Variants in CENPW observed in about 807,000 individuals in gnomAD.
The protein encoded by CENPW is centromere protein W.
CENPW carries 3 observed loss-of-function variants against 11.1 expected under a neutral mutation model. The observed-to-expected ratio is 0.27, with a 90% CI of 0.12 to 0.70. The LOEUF is 0.70. Ranked by LOEUF, CENPW falls within the 30% of genes least tolerant of loss-of-function variation. The probability of loss-of-function intolerance (pLI) is 0.77; values close to 1 mark genes in which losing one functional copy is unlikely to be tolerated. For missense variants in CENPW, 100 were observed against 105.6 expected (o/e 0.95, Z 0.23); for synonymous variants, 38 against 42.0 (o/e 0.91, Z 0.37).
chr6:126,429,516 G>A, the CENPW span, among the ~76,000 whole-genome samples: 24 of 152,136 alleles, frequency 1.6e-4, no homozygotes, highest in Middle Eastern at 6.8e-3. Context: ...AACATGTAAT[G>A]TGCCTACTGC....
At chr6:126,378,327 A>G in the CENPW span, among the ~76,000 whole-genome samples, 5 of 152,158 alleles carry the variant, frequency 3.3e-5, no homozygotes, top group African/African-American at 9.6e-5. Flanking sequence ...GATCACTTGT[A>G]GAGTTTTCTA....
chr6:126,428,528 T>C, the CENPW span, among the ~76,000 whole-genome samples: 2 of 152,144 alleles, frequency 1.3e-5, no homozygotes, highest in African/African-American at 4.8e-5. Context: ...AGAGATCTCC[T>C]GGAAGATTCT....
At chr6:126,403,638 C>A in the CENPW span, among the ~76,000 whole-genome samples, 5 of 151,912 alleles carry the variant, frequency 3.3e-5, no homozygotes, top group South Asian at 1.0e-3. Context: ...AATAAGACAT[C>A]TCTGTAACAT....
chr6:126,369,300 T>C, the CENPW span, among the ~76,000 whole-genome samples: 1 of 152,188 alleles, frequency 6.6e-6, no homozygotes, highest in East Asian at 1.9e-4. Context: ...TGGGACCCAG[T>C]AGTGAGATTG....
chr6:126,476,604 T>C, the CENPW span, among the ~76,000 whole-genome samples: 3 of 152,038 alleles, frequency 2.0e-5, no homozygotes, highest in African/African-American at 7.2e-5. Context: ...ACCCTATTTC[T>C]ATTCCCAAAG....
chr6:126,359,227 A>G, the CENPW span, among the ~76,000 whole-genome samples: 1 of 151,942 alleles, frequency 6.6e-6, no homozygotes, highest in Non-Finnish European at 1.5e-5. Context: ...TATTTGTGGA[A>G]TTTCAAGATA....
At chr6:126,417,384 T>C in the CENPW span, among the ~76,000 whole-genome samples, 13 of 152,232 alleles carry the variant, frequency 8.5e-5, no homozygotes, top group African/African-American at 3.1e-4. Context: ...TTGAAATGAG[T>C]TAAGACTTGG....
intron 2 of CENPW, among the ~76,000 whole-genome samples, chr6:126,346,794 G>A (rs988676789): frequency 6.6e-6 from 1 of 152,126 alleles, no homozygotes; most frequent in African/African-American, 2.4e-5. Flanking sequence ...CACATGGAGG[G>A]ATTACAATGT....
chr6:126,445,707 G>GTA, the CENPW span, among the ~76,000 whole-genome samples: 56 of 150,670 alleles, frequency 3.7e-4, no homozygotes, highest in African/African-American at 9.2e-4. Context: ...TATCTATGCA[G>GTA]TATATATATA....
chr6:126,444,620 T>C, the CENPW span, among the ~76,000 whole-genome samples: 5 of 151,328 alleles, frequency 3.3e-5, no homozygotes, highest in East Asian at 9.7e-4. Context: ...TGACTGTTTC[T>C]AATTTTTCTG....
chr6:126,375,644 C>T, the CENPW span, among the ~76,000 whole-genome samples: 1 of 152,052 alleles, frequency 6.6e-6, no homozygotes, highest in African/African-American at 2.4e-5. Flanking sequence ...CATCACAGCT[C>T]TTCACCAGTT....
chr6:126,416,191 T>C, the CENPW span, among the ~76,000 whole-genome samples: 7 of 152,210 alleles, frequency 4.6e-5, no homozygotes, highest in Admixed American at 4.6e-4. Context: ...GCAAAGAGAC[T>C]GGCAGCATTT....
chr6:126,388,742 T>C, the CENPW span, among the ~76,000 whole-genome samples: 1 of 151,982 alleles, frequency 6.6e-6, no homozygotes, highest in African/African-American at 2.4e-5. Flanking sequence ...GGAAAGAAGA[T>C]GAAAAGGGTA....
the CENPW span, among the ~76,000 whole-genome samples, chr6:126,464,163 C>G: frequency 6.6e-6 from 1 of 151,988 alleles, no homozygotes; most frequent in Non-Finnish European, 1.5e-5. Context: ...GCTGGTTTAA[C>G]ATTTGAAAAA....
chr6:126,410,397 T>C, the CENPW span, among the ~76,000 whole-genome samples: 8 of 152,192 alleles, frequency 5.3e-5, no homozygotes, highest in Non-Finnish European at 1.0e-4. Flanking sequence ...TATGAATTGA[T>C]ACTTTTCTTC....
chr6:126,402,082 A>AT, the CENPW span, among the ~76,000 whole-genome samples: 1 of 151,822 alleles, frequency 6.6e-6, no homozygotes, highest in East Asian at 1.9e-4. Flanking sequence ...TTAGTTTGAG[A>AT]TTTTTACAGA....
At chr6:126,384,531 A>G in the CENPW span, among the ~76,000 whole-genome samples, 2 of 152,186 alleles carry the variant, frequency 1.3e-5, no homozygotes, top group African/African-American at 4.8e-5. Flanking sequence ...TGGGAAAAGC[A>G]TTCCCTGTTC....
chr6:126,462,491 CCTCTT>C, the CENPW span, among the ~76,000 whole-genome samples: 10 of 149,234 alleles, frequency 6.7e-5, no homozygotes, highest in East Asian at 2.0e-4. Flanking sequence ...ATTTCCTTCA[CCTCTT>C]CTCTTCTTTT....
At chr6:126,451,694 C>T in the CENPW span, among the ~76,000 whole-genome samples, 2 of 150,940 alleles carry the variant, frequency 1.3e-5, no homozygotes, top group Non-Finnish European at 3.0e-5. Context: ...ACCCTCCTCC[C>T]CTCTTGCTCT....
Sources: allele counts gnomAD v4.1 joint callset (sites outside exome capture counted in the v4.1 genomes callset), GRCh38; gene constraint gnomAD v4.1.1; transcripts MANE v1.5; gene names NCBI Gene and HGNC (gene_info 2026-07-23, HGNC 2026-07-21).